Variants in GPM6B observed in about 807,000 individuals in gnomAD.
GPM6B encodes the protein glycoprotein M6B, also known as neuronal membrane glycoprotein M6-b.
A neutral mutation model predicts 27.2 loss-of-function variants in GPM6B; 4 were observed. The observed-to-expected ratio is 0.15, with a 90% CI of 0.07 to 0.34. The LOEUF is 0.34. Ranked by LOEUF, GPM6B falls within the 10% of genes least tolerant of loss-of-function variation. The pLI, the probability that GPM6B is intolerant of heterozygous loss-of-function variation, is 1.00. For synonymous variants in GPM6B, 124 were observed against 103.1 expected, an observed-to-expected ratio of 1.20 and a Z score of -1.23; for missense variants, 183 against 261.9, an observed-to-expected ratio of 0.70 and a Z score of 2.08.
intron 1 of GPM6B, among the ~76,000 whole-genome samples, chrX:13,902,454 C>T (rs184899009): frequency 6.3e-5 from 7 of 110,966 alleles, no homozygotes; most frequent in African/African-American, 1.3e-4. Context: ...TTCTCAACAT[C>T]GCCTCATTTA....
rs1048400834 is a variant in GPM6B, at chrX:13,790,496, A to C, written c.182-4688T>G. On this transcript the variant is annotated intron_variant, in intron 2 of 7. Coordinates refer to ENST00000316715, the MANE Select transcript of GPM6B (RefSeq NM_001001995.3). The stretch of plus-strand genomic sequence containing the variant: ...TCTGGGGTGATTTGTGTGCACATGA[A>C]AATTTGAGAAGCCCATTTCTAGTCA... Among the ~76,000 whole-genome samples the C allele has an allele frequency of 2.6e-4, 29 of 111,573 alleles. 1 individual carries two copies. The Admixed American group carries it at 2.7e-3, about 10-fold the overall frequency.
At chrX:13,803,939 T>TG (rs1393805468) in intron 2 of GPM6B, among the ~76,000 whole-genome samples, 20 of 112,079 alleles carry the variant, frequency 1.8e-4, no homozygotes, top group African/African-American at 6.2e-4. Context: ...GAAGAAAGGA[T>TG]GAATACCTTG....
At chrX:13,782,526 T>G (rs1164497133) in intron 4 of GPM6B, among the ~76,000 whole-genome samples, 1 of 108,569 alleles carries the variant, frequency 9.2e-6, no homozygotes, top group African/African-American at 3.4e-5. Flanking sequence ...ATGTTTTTGG[T>G]TTTTTTTTCC....
chrX:13,807,418 G>T (rs756562058), intron 2 of GPM6B, among the ~76,000 whole-genome samples: 1 of 112,143 alleles, frequency 8.9e-6, no homozygotes, highest in Non-Finnish European at 1.9e-5. Flanking sequence ...GTGAAAGAGG[G>T]AAGAGGGAAG....
intron 6 of GPM6B, among the ~76,000 whole-genome samples, chrX:13,777,094 C>T (rs781744152): frequency 9.0e-6 from 1 of 111,433 alleles, no homozygotes; most frequent in South Asian, 3.8e-4. Flanking sequence ...GGGATCACCT[C>T]TAAATTATTG....
intron 7 of GPM6B, chrX:13,774,546 A>G: frequency 2.5e-6 from 3 of 1,207,230 alleles, no homozygotes; most frequent in Non-Finnish European, 3.4e-6. Flanking sequence ...TATGCAATTT[A>G]GAATTTAGTG....
chrX:13,905,799 A>G (rs1381628409), intron 1 of GPM6B, among the ~76,000 whole-genome samples: 1 of 111,276 alleles, frequency 9.0e-6, no homozygotes, highest in Non-Finnish European at 1.9e-5. Flanking sequence ...TACTGCCATA[A>G]GCTTAAAAAC....
At chrX:13,883,841 C>G (rs1379128421) in intron 1 of GPM6B, among the ~76,000 whole-genome samples, 1 of 94,158 alleles carries the variant, frequency 1.1e-5, no homozygotes, top group African/African-American at 4.2e-5. Context: ...GCGTGAGACC[C>G]TGTCTCTAAA....
chrX:13,772,896 G>T lies in GPM6B; in HGVS notation c.972C>A (p.Leu324=). The change falls in exon 8 of 8, where the codon CTC becomes CTA. Residue 324 remains leucine, a synonymous_variant. Coordinates refer to ENST00000316715, the MANE Select transcript of GPM6B (RefSeq NM_001001995.3). ...QDIQSRSKEQ[L]NSYT ...TGGCAAACATTTATGTGTAAGAATTGAGTTGTTCTTTTGACCGAGACTGGA... is the reference window on the plus strand; with the variant it reads ...TGGCAAACATTTATGTGTAAGAATTTAGTTGTTCTTTTGACCGAGACTGGA... The T allele has an allele frequency of 1.7e-6, 2 of 1,210,579 alleles. No individual in the cohort carries two copies. Among genetic ancestry groups the T allele is most frequent in the South Asian group, 3.5e-5 (2 of 56,874 alleles).
At chrX:13,862,032 TGAGTGTAC>T (rs2049858639) in intron 1 of GPM6B, among the ~76,000 whole-genome samples, 1 of 110,814 alleles carries the variant, frequency 9.0e-6, no homozygotes, top group African/African-American at 3.3e-5. Flanking sequence ...TGAGTGTGAA[TGAGTGTAC>T]GAGTGAGCAT....
intron 4 of GPM6B, among the ~76,000 whole-genome samples, chrX:13,782,944 C>A (rs1166665917): frequency 9.0e-6 from 1 of 111,338 alleles, no homozygotes; most frequent in African/African-American, 3.3e-5. Context: ...CAGCTAGGCG[C>A]TCTGTACAGC....
At chrX:13,916,125 C>T (rs1381894812) in intron 1 of GPM6B, among the ~76,000 whole-genome samples, 1 of 111,638 alleles carries the variant, frequency 9.0e-6, no homozygotes, top group African/African-American at 3.3e-5. Context: ...CCTCATGAGG[C>T]TAGAGCTATA....
intron 1 of GPM6B, among the ~76,000 whole-genome samples, chrX:13,824,310 G>A (rs2049346227): frequency 8.9e-6 from 1 of 112,426 alleles, no homozygotes; most frequent in Non-Finnish European, 1.9e-5. Context: ...TCTGGCTATT[G>A]TGATATTCTA....
At chrX:13,884,826 G>T (rs918408851) in intron 1 of GPM6B, among the ~76,000 whole-genome samples, 1 of 111,776 alleles carries the variant, frequency 8.9e-6, no homozygotes, top group Admixed American at 9.5e-5. Flanking sequence ...AGACAAAGAT[G>T]CAAATAAATG....
At chrX:13,864,285 TAG>T (rs974431279) in intron 1 of GPM6B, among the ~76,000 whole-genome samples, 1 of 112,899 alleles carries the variant, frequency 8.9e-6, no homozygotes, top group African/African-American at 3.2e-5. Flanking sequence ...AGCAAAAAAG[TAG>T]AGTCGCTGAT....
chrX:13,864,404 G>A lies in GPM6B; in HGVS notation c.-198+73923C>T, dbSNP rs2049885905. ...CAGATCCCCCTTGGGCACCAAGTTGGGGAAGTGAAAGGAATCTTGGGAGGA... is the reference window on the plus strand; with the variant it reads ...CAGATCCCCCTTGGGCACCAAGTTGAGGAAGTGAAAGGAATCTTGGGAGGA... On this transcript the variant is annotated intron_variant, in intron 1 of 6. Transcript: ENST00000398361. Among the ~76,000 whole-genome samples the A allele has an allele frequency of 2.7e-5, 3 of 112,792 alleles. No individual in the cohort carries two copies. In the South Asian group the frequency reaches 1.1e-3, roughly 41 times the overall value.
intron 1 of GPM6B, among the ~76,000 whole-genome samples, chrX:13,870,823 A>G (rs1400565225): frequency 3.6e-5 from 4 of 111,976 alleles, no homozygotes; most frequent in South Asian, 3.8e-4. Flanking sequence ...ATCTTTTACA[A>G]CTGTGAGGCT....
At chrX:13,790,879 AC>A in intron 2 of GPM6B, among the ~76,000 whole-genome samples, 1 of 59,477 alleles carries the variant, frequency 1.7e-5, no homozygotes, top group African/African-American at 1.0e-4. Flanking sequence ...ACACACTCCA[AC>A]CACCCCCTAA....
At chrX:13,879,745 A>T (rs913676440) in intron 1 of GPM6B, among the ~76,000 whole-genome samples, 2 of 112,192 alleles carry the variant, frequency 1.8e-5, no homozygotes, top group African/African-American at 6.5e-5. Flanking sequence ...CATCTCTAGC[A>T]GCAAAAAACA....
Sources: gnomAD v4.1 joint callset for allele counts (sites outside exome capture counted in the v4.1 genomes callset) on GRCh38, gnomAD v4.1.1 for gene constraint, MANE v1.5 for transcripts, NCBI Gene and HGNC (gene_info 2026-07-23, HGNC 2026-07-21) for gene names.